PMFBP1: variants seen among roughly 807,000 people sequenced by gnomAD.
The protein encoded by PMFBP1 is polyamine-modulated factor 1-binding protein 1.
In PMFBP1, 131 loss-of-function variants were observed where a neutral mutation model predicts 137.8. The observed-to-expected ratio is 0.95, with a 90% CI of 0.82 to 1.10. The LOEUF (loss-of-function observed/expected upper bound fraction) is 1.10. Among genes scored for constraint, PMFBP1 ranks in the 50% least tolerant of loss-of-function variants. The probability of loss-of-function intolerance (pLI) is 0.00; values close to 1 mark genes in which losing one functional copy is unlikely to be tolerated. For synonymous variants in PMFBP1, 490 were observed against 450.4 expected, an observed-to-expected ratio of 1.09 and a Z score of -1.11; for missense variants, 1,199 against 1,175.4, an observed-to-expected ratio of 1.02 and a Z score of -0.29.
the PMFBP1 span, among the ~76,000 whole-genome samples, chr16:72,220,520 G>C: frequency 1.2e-4 from 18 of 152,188 alleles, no homozygotes; most frequent in Non-Finnish European, 2.6e-4. Flanking sequence ...TTAAGTGGTA[G>C]AGCTTGGTTT....
chr16:72,120,086 G>A lies in PMFBP1; in HGVS notation c.2772C>T (p.His924=), dbSNP rs867610149. ...YIAKLSGEKD[H]LHSVMVHLQQ... ...GCAAGTGGACCATTACACTGTGGAG[G>A]TGGCTGTGGGAAGGAGAGGAAGGAC... The change falls in exon 20 of 21, where the codon CAC becomes CAT. Residue 924 remains histidine (H), a synonymous_variant. Transcript: ENST00000237353. 6.2e-7 allele frequency: 1 copy of A among 1,614,214 alleles called. No individual in the cohort carries two copies. Among genetic ancestry groups the A allele is most frequent in the Non-Finnish European group, 8.5e-7 (1 of 1,180,050 alleles).
the PMFBP1 span, among the ~76,000 whole-genome samples, chr16:72,248,660 G>A: frequency 6.6e-6 from 1 of 152,134 alleles, no homozygotes; most frequent in Non-Finnish European, 1.5e-5. Flanking sequence ...CAACCAGATG[G>A]GATCAGAACA....
intron 3 of PMFBP1, among the ~76,000 whole-genome samples, chr16:72,161,118 G>C (rs570801538): frequency 4.2e-4 from 54 of 129,596 alleles, no homozygotes; most frequent in African/African-American, 1.3e-3. Flanking sequence ...TTTTTTTTGA[G>C]ATGGAATCTC....
the PMFBP1 span, among the ~76,000 whole-genome samples, chr16:72,214,029 A>G: frequency 6.6e-6 from 1 of 152,240 alleles, no homozygotes; most frequent in African/African-American, 2.4e-5. Flanking sequence ...CAGTCACTGA[A>G]TAATTTTTAA....
intron 3 of PMFBP1, among the ~76,000 whole-genome samples, chr16:72,164,058 A>T (rs573708352): frequency 6.6e-6 from 1 of 151,508 alleles, no homozygotes; most frequent in African/African-American, 2.4e-5. Context: ...CAACAACAAC[A>T]ACATTGGGTT....
chr16:72,139,401 T>G lies in PMFBP1; in HGVS notation c.808-2A>C. 6.2e-7 allele frequency: 1 copy of G among 1,610,020 alleles called. No individual in the cohort carries two copies. The highest frequency in any genetic ancestry group is 2.2e-5 in the East Asian group (1 of 44,856). On this transcript the variant is annotated splice_acceptor_variant, in intron 6 of 20. Transcript: ENST00000237353. LOFTEE classifies it high-confidence loss of function. ...CAAAGCCTTTTCACGCTCCAGAACC[T>G]GCAAATAAGCTTAGATCAGTTATGC...
At chr16:72,231,306 ATACAT>A in the PMFBP1 span, among the ~76,000 whole-genome samples, 2 of 152,170 alleles carry the variant, frequency 1.3e-5, no homozygotes, top group Non-Finnish European at 2.9e-5. Context: ...AAAATGACAC[ATACAT>A]TACTACAGTC....
chr16:72,190,324 C>T, the PMFBP1 span, among the ~76,000 whole-genome samples: 2 of 152,188 alleles, frequency 1.3e-5, no homozygotes, highest in African/African-American at 4.8e-5. Context: ...TGGCCTATAC[C>T]CAGGAATGAG....
chr16:72,161,694 T>C (rs527813195), intron 3 of PMFBP1, among the ~76,000 whole-genome samples: 2 of 152,310 alleles, frequency 1.3e-5, no homozygotes, highest in East Asian at 1.9e-4. Context: ...TTGTCTAAAC[T>C]AAGAAATTAA....
chr16:72,195,921 T>G, the PMFBP1 span, among the ~76,000 whole-genome samples: 3 of 152,304 alleles, frequency 2.0e-5, no homozygotes, highest in African/African-American at 7.2e-5. Context: ...TTCATGATTC[T>G]GGACTCTAGT....
At chr16:72,122,823 C>T (rs759871800) in intron 19 of PMFBP1, 91 bp downstream of exon 19, 1 of 1,212,216 alleles carries the variant, frequency 8.2e-7, no homozygotes, top group South Asian at 1.3e-5. Context: ...TGGGCTGATC[C>T]CCCTATCAAG....
the PMFBP1 span, among the ~76,000 whole-genome samples, chr16:72,222,880 A>C: frequency 6.6e-6 from 1 of 152,104 alleles, no homozygotes; most frequent in Non-Finnish European, 1.5e-5. Flanking sequence ...ATTTAAGTTG[A>C]CTCTTAAAGG....
the PMFBP1 span, among the ~76,000 whole-genome samples, chr16:72,186,652 G>A: frequency 6.6e-6 from 1 of 152,136 alleles, no homozygotes; most frequent in Non-Finnish European, 1.5e-5. Context: ...CAGAGCAGAA[G>A]GCCTAGAAAG....
intron 20 of PMFBP1, 33 bp downstream of exon 20, chr16:72,119,818 C>A: frequency 6.2e-7 from 1 of 1,602,522 alleles, no homozygotes; most frequent in Non-Finnish European, 8.5e-7. Context: ...AGAAAAAAAT[C>A]ACACTTATTT....
intron 2 of PMFBP1, 27 bp downstream of exon 2, chr16:72,171,170 T>C (rs773616312): frequency 2.5e-6 from 4 of 1,609,214 alleles, no homozygotes; most frequent in Admixed American, 1.7e-5. Flanking sequence ...TTCAACTCCA[T>C]GCATGTAGAG....
At chr16:72,225,009 G>C in the PMFBP1 span, 5 of 152,142 alleles carry the variant, frequency 3.3e-5, no homozygotes, top group Non-Finnish European at 7.3e-5. Context: ...ATATAAACAA[G>C]CATGTAGTTC....
the PMFBP1 span, among the ~76,000 whole-genome samples, chr16:72,237,817 GC>G: frequency 2.0e-5 from 3 of 151,810 alleles, no homozygotes; most frequent in African/African-American, 4.8e-5. Flanking sequence ...CCTCTAATAG[GC>G]CCCAGTGTTT....
chr16:72,174,398 C>G (rs866706361), upstream of PMFBP1, among the ~76,000 whole-genome samples: 1 of 152,132 alleles, frequency 6.6e-6, no homozygotes, highest in Non-Finnish European at 1.5e-5. Context: ...TTCTCTCAAC[C>G]TCTTTAAGGC....
chr16:72,219,503 C>T, the PMFBP1 span, among the ~76,000 whole-genome samples: 1 of 152,018 alleles, frequency 6.6e-6, no homozygotes, highest in African/African-American at 2.4e-5. Flanking sequence ...GAGGATGGGG[C>T]CCGGCAGAAG....
Sources: gnomAD v4.1 joint callset for allele counts (sites outside exome capture counted in the v4.1 genomes callset) on GRCh38, gnomAD v4.1.1 for gene constraint, MANE v1.5 for transcripts, NCBI Gene and HGNC (gene_info 2026-07-23, HGNC 2026-07-21) for gene names.